LNX1: variants seen among roughly 807,000 people sequenced by gnomAD.
LNX1 encodes the protein E3 ubiquitin-protein ligase LNX.
LNX1 carries 54 observed loss-of-function variants against 68.4 expected under a neutral mutation model. The observed-to-expected ratio is 0.79, with a 90% CI of 0.63 to 0.99. The LOEUF is 0.99. LNX1 is among the 50% of genes least tolerant of loss of function. The pLI, the probability that LNX1 is intolerant of heterozygous loss-of-function variation, is 0.00. For synonymous variants in LNX1, 336 were observed against 350.0 expected (o/e 0.96, Z 0.45); for missense variants, 906 against 926.4 (o/e 0.98, Z 0.29).
At chr4:53,556,258 G>C (rs1419290696) in intron 2 of LNX1, among the ~76,000 whole-genome samples, 4 of 152,102 alleles carry the variant, frequency 2.6e-5, no homozygotes, top group Non-Finnish European at 2.9e-5. Flanking sequence ...CACAAGCCAA[G>C]GAACACCTGC....
rs17082954 is a variant in LNX1 at position 53,529,383 on chromosome 4, G to T, written c.381-21156C>A. ...ATTTTCCCTAGTCCAGAGAACTAGA[G>T]GCCATTGCAACAGAAAAACTGGGTA... On this transcript the variant is annotated intron_variant, in intron 2 of 10. Coordinates refer to ENST00000263925, the MANE Select transcript of LNX1 (RefSeq NM_001126328.3). 5.6e-3 allele frequency among the ~76,000 whole-genome samples: 854 copies of T among 152,304 alleles called. 8 individuals are homozygous for T. The highest frequency in any genetic ancestry group is 0.02 in the African/African-American group (821 of 41,556).
intron 5 of LNX1, 116 bp downstream of exon 5, chr4:53,498,525 T>C: frequency 1.4e-6 from 1 of 713,098 alleles, no homozygotes; most frequent in East Asian, 2.6e-5. Context: ...AGAAAGTCAC[T>C]ATCCACATTT....
intron 1 of LNX1, among the ~76,000 whole-genome samples, chr4:53,652,004 A>G (rs948604921): frequency 7.0e-5 from 10 of 143,182 alleles, no homozygotes; most frequent in Admixed American, 4.3e-4. Context: ...ACTCTCCTCA[A>G]TTTGATGTGT....
intron 2 of LNX1, among the ~76,000 whole-genome samples, chr4:53,520,069 T>C (rs1294198591): frequency 6.6e-6 from 1 of 152,202 alleles, no homozygotes; most frequent in Non-Finnish European, 1.5e-5. Flanking sequence ...CCACGTTTAG[T>C]AGAAACAGAA....
intron 4 of LNX1, among the ~76,000 whole-genome samples, chr4:53,499,187 TGAGA>T (rs1725295701): frequency 6.6e-6 from 1 of 152,216 alleles, no homozygotes; most frequent in African/African-American, 2.4e-5. Flanking sequence ...TTCTGTTTTT[TGAGA>T]CAGGGTCTTA....
chr4:53,547,115 G>A (rs951496746), intron 2 of LNX1, among the ~76,000 whole-genome samples: 4 of 152,132 alleles, frequency 2.6e-5, no homozygotes, highest in South Asian at 4.1e-4. Flanking sequence ...ATATCAAATC[G>A]AAGACTATGT....
chr4:53,585,917 C>T (rs1732144964), intron 1 of LNX1, among the ~76,000 whole-genome samples: 1 of 152,116 alleles, frequency 6.6e-6, no homozygotes, highest in Non-Finnish European at 1.5e-5. Context: ...GGTATTCCTG[C>T]AGGAATGGGG....
chr4:53,531,933 C>T (rs1728050068), intron 2 of LNX1, among the ~76,000 whole-genome samples: 1 of 152,140 alleles, frequency 6.6e-6, no homozygotes. Flanking sequence ...ACAGTGAGTC[C>T]TCTTTGAGGA....
intron 2 of LNX1, chr4:53,557,955 AGC>A (rs1275729491): frequency 6.2e-7 from 1 of 1,613,638 alleles, no homozygotes; most frequent in Admixed American, 1.7e-5. Context: ...CAGCAACAGA[AGC>A]GCCTTCATTC....
intron 2 of LNX1, among the ~76,000 whole-genome samples, chr4:53,569,821 AAAAC>A (rs1731007207): frequency 7.4e-6 from 1 of 134,900 alleles, no homozygotes; most frequent in Non-Finnish European, 1.6e-5. Context: ...TTACAAGAAA[AAAAC>A]AAACAACCCC....
At chr4:53,605,545 T>C (rs1257631695) in intron 2 of LNX1, among the ~76,000 whole-genome samples, 1 of 152,208 alleles carries the variant, frequency 6.6e-6, no homozygotes, top group Non-Finnish European at 1.5e-5. Flanking sequence ...TTATCCACTC[T>C]ATATAACTAC....
chr4:53,460,820 A>T lies in LNX1; in HGVS notation c.*87T>A. 1 of 1,269,632 alleles carries T rather than the reference A, an allele frequency of 7.9e-7. No homozygotes were observed. The allele number at this position is 1,269,632 out of a possible 1,614,324, so 78.6% of individuals were successfully genotyped here. ...ATTTTTACAATGTATTCTTTCTTTA[A>T]ATATAAAAACTGACAAGATAAATAT... On this transcript the variant is annotated 3_prime_UTR_variant, in exon 11 of 11. Coordinates refer to ENST00000263925, the MANE Select transcript of LNX1 (RefSeq NM_001126328.3).
chr4:53,636,598 G>C (rs766323325), intron 1 of LNX1, among the ~76,000 whole-genome samples: 3 of 152,096 alleles, frequency 2.0e-5, no homozygotes, highest in Non-Finnish European at 4.4e-5. Context: ...TATACAAAAT[G>C]ACCAGCACAT....
intron 2 of LNX1, among the ~76,000 whole-genome samples, chr4:53,561,806 T>G (rs1311156096): frequency 1.3e-5 from 2 of 152,136 alleles, no homozygotes; most frequent in Non-Finnish European, 2.9e-5. Context: ...AGTAAATACT[T>G]GAGGAGGGTC....
intron 2 of LNX1, among the ~76,000 whole-genome samples, chr4:53,543,335 T>C (rs1728886323): frequency 6.6e-6 from 1 of 152,242 alleles, no homozygotes; most frequent in South Asian, 2.1e-4. Context: ...TGTGTGCTTA[T>C]TTACTGCCCT....
intron 1 of LNX1, chr4:53,652,057 G>GAGAGAGAC (rs1553946968): frequency 1.4e-4 from 21 of 147,052 alleles, no homozygotes; most frequent in African/African-American, 5.3e-4. Flanking sequence ...GAGAGAGAGA[G>GAGAGAGAC]AGAGACAGAG....
chr4:53,557,146 G>A (rs1309297046), intron 2 of LNX1, among the ~76,000 whole-genome samples: 1 of 152,192 alleles, frequency 6.6e-6, no homozygotes, highest in Admixed American at 6.5e-5. Flanking sequence ...GGTGACATGA[G>A]GCATTTCCTT....
intron 4 of LNX1, among the ~76,000 whole-genome samples, chr4:53,506,780 C>T (rs1211688537): frequency 2.0e-5 from 3 of 146,360 alleles, no homozygotes; most frequent in African/African-American, 7.5e-5. Context: ...TGCTTGAACC[C>T]AGGAGGCAGA....
At chr4:53,642,606 G>A (rs1247026803) in intron 1 of LNX1, among the ~76,000 whole-genome samples, 1 of 152,138 alleles carries the variant, frequency 6.6e-6, no homozygotes, top group East Asian at 1.9e-4. Context: ...GATAGCTCTG[G>A]AAAGAAAGAG....
Sources: gnomAD v4.1 joint callset for allele counts (sites outside exome capture counted in the v4.1 genomes callset) on GRCh38, gnomAD v4.1.1 for gene constraint, MANE v1.5 for transcripts, NCBI Gene and HGNC (gene_info 2026-07-23, HGNC 2026-07-21) for gene names.